CDH13: variants seen among roughly 807,000 people sequenced by gnomAD.
CDH13 encodes the protein cadherin-13.
A neutral mutation model predicts 63.8 loss-of-function variants in CDH13; 24 were observed. The observed-to-expected ratio is 0.38, with a 90% CI of 0.27 to 0.53. The LOEUF is 0.53. Among genes scored for constraint, CDH13 ranks in the 20% least tolerant of loss-of-function variants. The pLI is 0.85. For missense variants in CDH13, 1,049 were observed against 903.1 expected, an observed-to-expected ratio of 1.16 and a Z score of -2.07; for synonymous variants, 503 against 355.3, an observed-to-expected ratio of 1.42 and a Z score of -4.67.
chr16:82,660,230 G>A (rs1286863238), intron 1 of CDH13, among the ~76,000 whole-genome samples: 1 of 152,134 alleles, frequency 6.6e-6, no homozygotes, highest in Non-Finnish European at 1.5e-5. Flanking sequence ...ATCTTGGTTT[G>A]TGTAAGATTA....
At chr16:82,891,899 G>A (rs983197672) in intron 2 of CDH13, among the ~76,000 whole-genome samples, 3 of 152,284 alleles carry the variant, frequency 2.0e-5, no homozygotes, top group Non-Finnish European at 2.9e-5. Context: ...TGCTGGTCAC[G>A]TGTCCCTTAA....
At chr16:82,795,469 G>C (rs567275511) in intron 1 of CDH13, among the ~76,000 whole-genome samples, 1 of 152,148 alleles carries the variant, frequency 6.6e-6, no homozygotes, top group Non-Finnish European at 1.5e-5. Flanking sequence ...ATGTAACAGT[G>C]ACAACTAACA....
intron 3 of CDH13, among the ~76,000 whole-genome samples, chr16:83,123,902 C>G (rs192729268): frequency 6.6e-6 from 1 of 152,286 alleles, no homozygotes; most frequent in African/African-American, 2.4e-5. Flanking sequence ...GCCATTCTGA[C>G]TGGTATAAGA....
chr16:83,730,871 G>A (rs939624999), intron 10 of CDH13, among the ~76,000 whole-genome samples: 1 of 152,228 alleles, frequency 6.6e-6, no homozygotes, highest in African/African-American at 2.4e-5. Flanking sequence ...GTGTCTGTGT[G>A]TACTCAATGT....
At chr16:82,761,076 T>C (rs1258567233) in intron 1 of CDH13, among the ~76,000 whole-genome samples, 1 of 129,386 alleles carries the variant, frequency 7.7e-6, no homozygotes, top group Admixed American at 9.3e-5. Context: ...CAGACTGGAG[T>C]GCAGTGGCAT....
chr16:83,021,418 C>A (rs534428149), intron 2 of CDH13, among the ~76,000 whole-genome samples: 2 of 152,184 alleles, frequency 1.3e-5, no homozygotes, highest in Non-Finnish European at 2.9e-5. Context: ...TTTAAGGAAT[C>A]CACGGCAAGA....
At chr16:83,139,947 A>T (rs975684665) in intron 4 of CDH13, among the ~76,000 whole-genome samples, 1 of 152,190 alleles carries the variant, frequency 6.6e-6, no homozygotes, top group Non-Finnish European at 1.5e-5. Flanking sequence ...AGTTGTGGTG[A>T]GCCAAGATCA....
chr16:83,339,430 C>T (rs958443378), intron 5 of CDH13, among the ~76,000 whole-genome samples: 3 of 152,028 alleles, frequency 2.0e-5, no homozygotes, highest in Non-Finnish European at 2.9e-5. Flanking sequence ...AAGCTGGGCC[C>T]CTAAAAACTG....
chr16:82,922,269 G>C (rs1471750034), intron 2 of CDH13, among the ~76,000 whole-genome samples: 2 of 152,202 alleles, frequency 1.3e-5, no homozygotes, highest in South Asian at 4.1e-4. Flanking sequence ...GTACTTCAAA[G>C]AAGCCATTGG....
intron 6 of CDH13, among the ~76,000 whole-genome samples, chr16:83,454,210 A>T (rs2072960848): frequency 6.6e-6 from 1 of 152,232 alleles, no homozygotes; most frequent in Non-Finnish European, 1.5e-5. Context: ...CTGTTTATAG[A>T]AAAGATTAAC....
chr16:83,434,847 A>ATGTGTGTGTGTGTG (rs1267789287), intron 6 of CDH13, among the ~76,000 whole-genome samples: 162 of 81,494 alleles, frequency 2.0e-3, no homozygotes, highest in Non-Finnish European at 3.4e-3. Context: ...ATATATATAT[A>ATGTGTGTGTGTGTG]TGTGTGTGCG....
At chr16:83,149,711 A>C (rs1300331814) in intron 4 of CDH13, among the ~76,000 whole-genome samples, 5 of 152,220 alleles carry the variant, frequency 3.3e-5, no homozygotes, top group Admixed American at 6.5e-5. Flanking sequence ...TCTTCATGAC[A>C]TCCTAGAGAC....
intron 7 of CDH13, among the ~76,000 whole-genome samples, chr16:83,580,956 C>T (rs966623242): frequency 6.6e-6 from 1 of 152,166 alleles, no homozygotes; most frequent in Non-Finnish European, 1.5e-5. Context: ...TAACAGATCT[C>T]TATTTGTGGG....
At chr16:83,697,639 G>A (rs1426029966) in intron 10 of CDH13, among the ~76,000 whole-genome samples, 4 of 152,162 alleles carry the variant, frequency 2.6e-5, no homozygotes, top group Admixed American at 2.6e-4. Flanking sequence ...ACCTAACCGT[G>A]TATTCTTCCC....
intron 1 of CDH13, among the ~76,000 whole-genome samples, chr16:82,640,112 G>A (rs1254100521): frequency 3.3e-5 from 5 of 152,196 alleles, no homozygotes; most frequent in Non-Finnish European, 7.3e-5. Context: ...AATAAATATG[G>A]TAGTTTTGCG....
At chr16:82,681,370 T>C (rs969708163) in intron 1 of CDH13, among the ~76,000 whole-genome samples, 14 of 152,162 alleles carry the variant, frequency 9.2e-5, no homozygotes, top group African/African-American at 3.4e-4. Flanking sequence ...AAGTGGCTGC[T>C]ACTGGGTACA....
intron 8 of CDH13, among the ~76,000 whole-genome samples, chr16:83,636,891 T>C (rs146757707): frequency 5.4e-4 from 83 of 152,342 alleles, no homozygotes; most frequent in African/African-American, 2.0e-3. Flanking sequence ...CATATATGTG[T>C]TCCCTTTTCT....
At chr16:83,095,634 G>A (rs922163197) in intron 3 of CDH13, among the ~76,000 whole-genome samples, 1 of 152,194 alleles carries the variant, frequency 6.6e-6, no homozygotes, top group African/African-American at 2.4e-5. Context: ...TTGGCATATG[G>A]TAGATGCTCA....
chr16:83,052,522 G>A (rs1467881299), intron 3 of CDH13, among the ~76,000 whole-genome samples: 1 of 152,172 alleles, frequency 6.6e-6, no homozygotes, highest in Non-Finnish European at 1.5e-5. Context: ...GCTCACGCCT[G>A]TAATCCCAAC....
Sources: gnomAD v4.1 joint callset for allele counts (sites outside exome capture counted in the v4.1 genomes callset) on GRCh38, gnomAD v4.1.1 for gene constraint, MANE v1.5 for transcripts, NCBI Gene and HGNC (gene_info 2026-07-23, HGNC 2026-07-21) for gene names.